The following TMEM30A variants were observed in gnomAD, a reference collection of about 807,000 sequenced individuals.
The protein encoded by TMEM30A is cell cycle control protein 50A.
A neutral mutation model predicts 38.2 loss-of-function variants in TMEM30A; 24 were observed. The ratio of observed to expected loss-of-function variants is 0.63; its 90% CI spans 0.46 to 0.88. The LOEUF (loss-of-function observed/expected upper bound fraction) is 0.88, where lower values mean the gene tolerates loss of function less well. Among genes scored for constraint, TMEM30A ranks in the 40% least tolerant of loss-of-function variants. The pLI, the probability that TMEM30A is intolerant of heterozygous loss-of-function variation, is 0.00. For missense variants in TMEM30A, 370 were observed against 458.6 expected (o/e 0.81, Z 1.77); for synonymous variants, 145 against 161.6 (o/e 0.90, Z 0.78).
chr6:75,281,089 G>A (rs1394607049), intron 1 of TMEM30A, among the ~76,000 whole-genome samples: 1 of 152,084 alleles, frequency 6.6e-6, no homozygotes, highest in Non-Finnish European at 1.5e-5. Context: ...AAGATCTCAT[G>A]AAAATGTACC....
rs553964874 is a variant in TMEM30A, at chr6:75,278,444, C to G, written c.237+5958G>C. Among the ~76,000 whole-genome samples, 181 of 152,268 alleles carry G rather than the reference C, an allele frequency of 1.2e-3. 1 individual carries two copies. The highest frequency in any genetic ancestry group is 2.3e-3 in the Non-Finnish European group (157 of 68,004). Reference sequence around the variant, plus strand: ...GTTACTAAGTGGAGGTGGTACATGACAGTTTTCAAGAACCTTCTTTAAAAG... The same window carrying G: ...GTTACTAAGTGGAGGTGGTACATGAGAGTTTTCAAGAACCTTCTTTAAAAG... On this transcript the variant is annotated intron_variant, in intron 1 of 6. Transcript: ENST00000230461.
At chr6:75,283,779 C>T (rs1772401935) in intron 1 of TMEM30A, among the ~76,000 whole-genome samples, 2 of 152,082 alleles carry the variant, frequency 1.3e-5, no homozygotes, top group Admixed American at 1.3e-4. Context: ...TACATCTTGC[C>T]CTACAACTAA....
chr6:75,283,598 T>C (rs1772397232), intron 1 of TMEM30A, among the ~76,000 whole-genome samples: 1 of 151,780 alleles, frequency 6.6e-6, no homozygotes, highest in Non-Finnish European at 1.5e-5. Flanking sequence ...ATCAGTAAAA[T>C]GTTTGGTAGA....
intron 1 of TMEM30A, among the ~76,000 whole-genome samples, chr6:75,272,160 T>C (rs1444226086): frequency 6.6e-6 from 1 of 152,246 alleles, no homozygotes; most frequent in Non-Finnish European, 1.5e-5. Flanking sequence ...TACTAAGTGC[T>C]GGGCATTGTA....
intron 1 of TMEM30A, among the ~76,000 whole-genome samples, chr6:75,278,308 G>T (rs77782013): frequency 0.021 from 3,235 of 152,060 alleles, 105 homozygotes; most frequent in African/African-American, 0.074. Flanking sequence ...GCAACCCCTC[G>T]CCTCAATTTC....
chr6:75,260,839 T>C lies in TMEM30A; in HGVS notation c.526A>G (p.Asn176Asp). The change falls in exon 4 of 7, where the codon AAC (asparagine) becomes GAC (aspartate). Residue 176 changes from asparagine to aspartate, a missense_variant. By Grantham distance (23) the Asn-to-Asp change is conservative. Coordinates refer to ENST00000230461, the MANE Select transcript of TMEM30A (RefSeq NM_018247.4). ...KPIAPCGAIA[N>D]SMFNDTLELF... ...TATATCATACCATTAAACATGCTGT[T>C]GGCAATAGCTCCACAAGGAGCAATT... 6.3e-7 allele frequency: 1 copy of C among 1,593,506 alleles called. No homozygotes were observed. The highest frequency in any genetic ancestry group is 8.5e-7 in the Non-Finnish European group (1 of 1,173,718).
At chr6:75,265,030 G>C (rs1388122097) in intron 3 of TMEM30A, among the ~76,000 whole-genome samples, 1 of 151,946 alleles carries the variant, frequency 6.6e-6, no homozygotes, top group Non-Finnish European at 1.5e-5. Flanking sequence ...CTGGGGGGTG[G>C]AGGTTGCAGT....
intron 3 of TMEM30A, among the ~76,000 whole-genome samples, chr6:75,263,393 A>G (rs1772006868): frequency 6.6e-6 from 1 of 152,238 alleles, no homozygotes; most frequent in Non-Finnish European, 1.5e-5. Flanking sequence ...TACTTTTTAA[A>G]AACTTCACTA....
rs182326961 is a variant in TMEM30A at position 75,253,330 on chromosome 6, T to C, written c.*2772A>G. ...ATTATTTCCATCATGCTTACCTCTC[T>C]GTTTACTGGACATTCCCCTTGATCT... On this transcript the variant is annotated 3_prime_UTR_variant, in exon 7 of 7. Transcript: ENST00000230461. The C allele has an allele frequency of 6.6e-6, 1 of 152,324 alleles. No individual in the cohort carries two copies. Among genetic ancestry groups the C allele is most frequent in the African/African-American group, 2.4e-5 (1 of 41,592 alleles). The allele number at this position is 152,324 out of a possible 1,614,324, so 9.4% of individuals were successfully genotyped here. A position where few individuals can be genotyped will look rare whatever the true frequency, so the allele number is the denominator to read the frequency against.
At chr6:75,277,265 A>C (rs1772278109) in intron 1 of TMEM30A, among the ~76,000 whole-genome samples, 3 of 148,972 alleles carry the variant, frequency 2.0e-5, no homozygotes, top group African/African-American at 7.5e-5. Context: ...CACCTTTGTG[A>C]CTAAGCAGAA....
Position 75,284,721 on chromosome 6 carries a change from C to CGCCGCT in TMEM30A, c.-89_-84dup, listed in dbSNP as rs1216899522. 19 of 1,380,156 alleles carry CGCCGCT rather than the reference C, an allele frequency of 1.4e-5. No homozygotes were observed. The highest frequency in any genetic ancestry group is 1.3e-4 in the South Asian group (11 of 86,560). The allele number at this position is 1,380,156 out of a possible 1,614,324, so 85.5% of individuals were successfully genotyped here. A position where few individuals can be genotyped will look rare whatever the true frequency, so the allele number is the denominator to read the frequency against. ...CTGACCCTGACAGGAACCGCTCGAG[C>CGCCGCT]GCCGCTGCCGCCGCCGCCGCCGCAG... On this transcript the variant is annotated 5_prime_UTR_variant, in exon 1 of 7. Coordinates refer to ENST00000230461, the MANE Select transcript of TMEM30A (RefSeq NM_018247.4).
At chr6:75,276,119 A>G (rs1246527302) in intron 1 of TMEM30A, among the ~76,000 whole-genome samples, 1 of 152,252 alleles carries the variant, frequency 6.6e-6, no homozygotes, top group East Asian at 1.9e-4. Flanking sequence ...ATAGCTGAAC[A>G]CATGGAAGTG....
At chr6:75,261,207 G>GGGTT (rs1405194250) in intron 3 of TMEM30A, among the ~76,000 whole-genome samples, 2 of 152,228 alleles carry the variant, frequency 1.3e-5, no homozygotes, top group African/African-American at 4.8e-5. Context: ...TTACCACAAA[G>GGGTT]GGTTTTCTGC....
rs745837051 is a variant in TMEM30A, at chr6:75,256,273, A to G, written c.915T>C (p.Asp305=). The change falls in exon 7 of 7, where the codon GAT becomes GAC. Residue 305 remains aspartate, a synonymous_variant. Transcript: ENST00000230461. The part of the protein sequence containing the change: ...VTYNYPVHYF[D]GRKRMILSTI... ...TGCTCAAGATCATCCGTTTTCGTCC[A>G]TCAAAATAATGTACAGGGTAATCTG... 6.2e-7 allele frequency: 1 copy of G among 1,613,320 alleles called. No homozygotes were observed. The highest frequency in any genetic ancestry group is 1.3e-5 in the African/African-American group (1 of 75,010).
intron 1 of TMEM30A, among the ~76,000 whole-genome samples, chr6:75,274,597 C>G (rs919546066): frequency 6.6e-6 from 1 of 152,188 alleles, no homozygotes; most frequent in African/African-American, 2.4e-5. Flanking sequence ...ATCTACAGAA[C>G]TTAGTGCCTA....
At chr6:75,283,045 A>T (rs950239905) in intron 1 of TMEM30A, among the ~76,000 whole-genome samples, 1 of 152,142 alleles carries the variant, frequency 6.6e-6, no homozygotes, top group African/African-American at 2.4e-5. Flanking sequence ...ACTAAAATAC[A>T]TGCTGAAAAA....
intron 3 of TMEM30A, among the ~76,000 whole-genome samples, chr6:75,264,997 G>A (rs1772042308): frequency 6.6e-6 from 1 of 151,920 alleles, no homozygotes; most frequent in African/African-American, 2.4e-5. Context: ...CTACTCGGGA[G>A]ACTGAGGCAA....
chr6:75,263,489 C>T (rs773553017), intron 3 of TMEM30A, among the ~76,000 whole-genome samples: 1 of 152,012 alleles, frequency 6.6e-6, no homozygotes, highest in Non-Finnish European at 1.5e-5. Flanking sequence ...GTGGTAGTGA[C>T]TTGGAACAAA....
chr6:75,280,941 AACAT>A (rs1157526047), intron 1 of TMEM30A, among the ~76,000 whole-genome samples: 1 of 152,114 alleles, frequency 6.6e-6, no homozygotes, highest in Non-Finnish European at 1.5e-5. Context: ...TAGGAGTAAA[AACAT>A]ACATAAAAAT....
Sources: allele counts gnomAD v4.1 joint callset (sites outside exome capture counted in the v4.1 genomes callset), GRCh38; gene constraint gnomAD v4.1.1; transcripts MANE v1.5; gene names NCBI Gene and HGNC (gene_info 2026-07-23, HGNC 2026-07-21).